Variants in ACTR10 observed in about 807,000 individuals in gnomAD.
ACTR10 encodes the protein actin related protein 10.
In ACTR10, 43 loss-of-function variants were observed where a neutral mutation model predicts 56.2. That is an observed-to-expected ratio of 0.77 (90% CI 0.60 to 0.99). The LOEUF (loss-of-function observed/expected upper bound fraction) is 0.99. ACTR10 is among the 50% of genes least tolerant of loss of function. The probability of loss-of-function intolerance (pLI) is 0.00; values close to 1 mark genes in which losing one functional copy is unlikely to be tolerated. For synonymous variants in ACTR10, 170 were observed against 176.3 expected, an observed-to-expected ratio of 0.96 and a Z score of 0.28; for missense variants, 466 against 507.8, an observed-to-expected ratio of 0.92 and a Z score of 0.79.
At chr14:58,221,280 TAAAAAAAAAA>T (rs35943337) in intron 8 of ACTR10, among the ~76,000 whole-genome samples, 5 of 108,292 alleles carry the variant, frequency 4.6e-5, no homozygotes, top group Admixed American at 3.2e-4. Flanking sequence ...AGACTCTGTC[TAAAAAAAAAA>T]AAAAAAAAAA....
intron 2 of ACTR10, among the ~76,000 whole-genome samples, chr14:58,204,524 A>G (rs1433053324): frequency 1.3e-5 from 2 of 152,170 alleles, no homozygotes; most frequent in African/African-American, 2.4e-5. Context: ...GCATTCCACC[A>G]TGGGCGACAG....
chr14:58,201,805 A>G (rs1888710135), intron 1 of ACTR10, among the ~76,000 whole-genome samples: 1 of 152,196 alleles, frequency 6.6e-6, no homozygotes, highest in Non-Finnish European at 1.5e-5. Flanking sequence ...CAGTAGTTCA[A>G]GACCAGCCTG....
intron 5 of ACTR10, 41 bp from the exon 6 acceptor site, chr14:58,213,589 AT>A: frequency 7.0e-7 from 1 of 1,418,914 alleles, no homozygotes; most frequent in Non-Finnish European, 9.7e-7. Context: ...AGGAAACCAC[AT>A]TTTATCTCCT....
chr14:58,218,232 T>C (rs1382309943), intron 7 of ACTR10, among the ~76,000 whole-genome samples: 1 of 152,218 alleles, frequency 6.6e-6, no homozygotes, highest in Non-Finnish European at 1.5e-5. Flanking sequence ...TATTTTTAAA[T>C]TGCAGGTTCT....
Position 58,213,694 on chromosome 14 carries a change from C to T in ACTR10, c.514C>T (p.His172Tyr). Reference sequence around the variant, plus strand: ...ACTACCCCTAGGAGGAAAAGCTCTTCACAAGTAAGTTTCTTGGAATTTAAC... The same window carrying T: ...ACTACCCCTAGGAGGAAAAGCTCTTTACAAGTAAGTTTCTTGGAATTTAAC... ...GALPLGGKAL[H>Y]KELETQLLEQ... The change falls in exon 6 of 13, where the codon CAC becomes TAC. Residue 172 changes from histidine (H) to tyrosine (Y), a missense_variant. Coordinates refer to ENST00000254286, the MANE Select transcript of ACTR10 (RefSeq NM_018477.3). The T allele has an allele frequency of 1.9e-6, 3 of 1,610,304 alleles. No individual in the cohort carries two copies. The highest frequency in any genetic ancestry group is 1.1e-5 in the South Asian group (1 of 90,592).
In ACTR10 at chr14:58,235,442, A is replaced by G. The variant is rs544956363; in HGVS notation, c.*891A>G. 6 of 152,304 alleles carry G rather than the reference A, an allele frequency of 3.9e-5. No individual in the cohort carries two copies. In the East Asian group the frequency reaches 9.6e-4, roughly 24 times the overall value. The allele number at this position is 152,304 out of a possible 1,614,324, so 9.4% of individuals were successfully genotyped here. On this transcript the variant is annotated 3_prime_UTR_variant, in exon 13 of 13. Coordinates refer to ENST00000254286, the MANE Select transcript of ACTR10 (RefSeq NM_018477.3). The stretch of plus-strand genomic sequence containing the variant: ...TACAGTTTTTTTAATGAGCAATTCT[A>G]CATTTCTAAGAAAAAAGATACTTCA...
chr14:58,218,846 A>T (rs1248970762), intron 7 of ACTR10, among the ~76,000 whole-genome samples: 1 of 152,052 alleles, frequency 6.6e-6, no homozygotes. Context: ...ATTTTTTGAG[A>T]CGGAGTTTCA....
intron 10 of ACTR10, among the ~76,000 whole-genome samples, chr14:58,224,110 C>T (rs1258667414): frequency 6.6e-6 from 1 of 151,990 alleles, no homozygotes; most frequent in Non-Finnish European, 1.5e-5. Flanking sequence ...AAGCAATTCT[C>T]CTGCCTCAGC....
intron 2 of ACTR10, among the ~76,000 whole-genome samples, chr14:58,206,102 G>A (rs1888856445): frequency 1.3e-5 from 2 of 151,970 alleles, no homozygotes; most frequent in Non-Finnish European, 1.5e-5. Context: ...TGGCATTACT[G>A]TGTTACCAGA....
At chr14:58,200,338 C>G (rs762920561) in intron 1 of ACTR10, 44 bp downstream of exon 1, 1 of 1,445,954 alleles carries the variant, frequency 6.9e-7, no homozygotes, top group South Asian at 1.5e-5. Flanking sequence ...GAGGGGAGGG[C>G]GGGTGGCAGA....
chr14:58,205,776 C>T (rs1888843664), intron 2 of ACTR10, among the ~76,000 whole-genome samples: 1 of 152,068 alleles, frequency 6.6e-6, no homozygotes, highest in African/African-American at 2.4e-5. Context: ...AATCCCAGCA[C>T]TTTGGGAGGC....
chr14:58,203,302 C>CAA lies in ACTR10; in HGVS notation c.150+393_150+394dup, dbSNP rs11384472. Among the ~76,000 whole-genome samples the CAA allele has an allele frequency of 2.7e-3, 278 of 104,844 alleles. 2 individuals are homozygous for CAA. Among genetic ancestry groups the CAA allele is most frequent in the South Asian group, 9.5e-3 (29 of 3,062 alleles). 68.8% of individuals were successfully genotyped at this position (104,844 alleles called of 152,430 possible). On this transcript the variant is annotated intron_variant, in intron 2 of 12. Transcript: ENST00000254286. Reference sequence around the variant, plus strand: ...GGGGGGCAAGAGCAAGACTTCGTCTCAAAAAAAAAAAAAAAAAAAGAAACA... The same window carrying CAA: ...GGGGGGCAAGAGCAAGACTTCGTCTCAAAAAAAAAAAAAAAAAAAAAGAAACA...
chr14:58,210,016 G>A (rs934249794), intron 4 of ACTR10, among the ~76,000 whole-genome samples: 1 of 152,166 alleles, frequency 6.6e-6, no homozygotes, highest in Admixed American at 6.5e-5. Flanking sequence ...ATGAGTCCAG[G>A]AATTTCATTT....
At position 58,234,610 on chromosome 14, in the gene ACTR10, T is replaced by C; in HGVS notation, c.*59T>C. ...AAATATTTAACCAATTATAAGCAAA[T>C]TGTACAAAGTATGTAGGATGTTTTG... On this transcript the variant is annotated 3_prime_UTR_variant, in exon 13 of 13. Coordinates refer to ENST00000254286, the MANE Select transcript of ACTR10 (RefSeq NM_018477.3). The C allele has an allele frequency of 6.6e-7, 1 of 1,504,322 alleles. No homozygotes were observed. The highest frequency in any genetic ancestry group is 9.1e-7 in the Non-Finnish European group (1 of 1,101,310). 93.2% of individuals were successfully genotyped at this position (1,504,322 alleles called of 1,614,324 possible).
At chr14:58,218,890 A>G (rs562169297) in intron 7 of ACTR10, among the ~76,000 whole-genome samples, 2 of 152,210 alleles carry the variant, frequency 1.3e-5, no homozygotes, top group African/African-American at 2.4e-5. Flanking sequence ...CAATGGCATG[A>G]TCTTGGCTTA....
At chr14:58,206,037 G>A (rs114212702) in intron 2 of ACTR10, among the ~76,000 whole-genome samples, 116 of 152,038 alleles carry the variant, frequency 7.6e-4, no homozygotes, top group African/African-American at 2.5e-3. Flanking sequence ...AAACGGGGGC[G>A]GGGGATGGAA....
chr14:58,202,125 TAAG>T (rs1173699093), intron 1 of ACTR10, among the ~76,000 whole-genome samples: 10 of 151,886 alleles, frequency 6.6e-5, no homozygotes, highest in East Asian at 1.9e-4. Flanking sequence ...TGCATAATCA[TAAG>T]AAGTAGACTG....
intron 5 of ACTR10, 34 bp from the exon 6 acceptor site, chr14:58,213,597 T>G (rs1889053993): frequency 6.9e-7 from 1 of 1,453,712 alleles, no homozygotes; most frequent in Non-Finnish European, 9.4e-7. Context: ...ACATTTTATC[T>G]CCTAAAATAG....
At chr14:58,217,352 A>G (rs1458032991) in intron 7 of ACTR10, among the ~76,000 whole-genome samples, 2 of 152,158 alleles carry the variant, frequency 1.3e-5, no homozygotes, top group Non-Finnish European at 2.9e-5. Flanking sequence ...TATTTGCTGA[A>G]GCACCCACTT....
Sources: allele counts gnomAD v4.1 joint callset (sites outside exome capture counted in the v4.1 genomes callset), GRCh38; gene constraint gnomAD v4.1.1; transcripts MANE v1.5; gene names NCBI Gene and HGNC (gene_info 2026-07-23, HGNC 2026-07-21).